CSMD1: variants seen among roughly 807,000 people sequenced by gnomAD.
CSMD1 encodes the protein CUB and Sushi multiple domains 1.
A neutral mutation model predicts 417.5 loss-of-function variants in CSMD1; 213 were observed. The ratio of observed to expected loss-of-function variants is 0.51; its 90% CI spans 0.46 to 0.57. The LOEUF (loss-of-function observed/expected upper bound fraction) is 0.57, where lower values mean the gene tolerates loss of function less well. CSMD1 is among the 20% of genes least tolerant of loss of function. The pLI, the probability that CSMD1 is intolerant of heterozygous loss-of-function variation, is 0.00. For missense variants in CSMD1, 6,923 were observed against 4,529.7 expected, an observed-to-expected ratio of 1.53 and a Z score of -15.17; for synonymous variants, 2,862 against 1,736.8, an observed-to-expected ratio of 1.65 and a Z score of -16.11.
intron 25 of CSMD1, among the ~76,000 whole-genome samples, chr8:3,306,732 T>G (rs1359466984): frequency 2.6e-5 from 4 of 152,202 alleles, no homozygotes; most frequent in African/African-American, 9.7e-5. Context: ...CACTTCATTT[T>G]AAACAAGAAC....
At chr8:3,907,513 A>G (rs1808189057) in intron 5 of CSMD1, among the ~76,000 whole-genome samples, 1 of 152,194 alleles carries the variant, frequency 6.6e-6, no homozygotes, top group South Asian at 2.1e-4. Context: ...ATCATCTCAC[A>G]GAATTGTGCA....
In CSMD1 at chr8:4,043,050, T is replaced by C. The variant is rs116332522; in HGVS notation, c.416-10951A>G. ...GGGAGGTTGAAGCAGGAGAATCACT[T>C]GAACCTTGGAGGCACAGGGTGCAGT... On this transcript the variant is annotated intron_variant, in intron 3 of 69. Coordinates refer to ENST00000635120, the MANE Select transcript of CSMD1 (RefSeq NM_033225.6). 8.0e-3 allele frequency among the ~76,000 whole-genome samples: 1,213 copies of C among 152,056 alleles called. 19 individuals are homozygous for C. Among genetic ancestry groups the C allele is most frequent in the African/African-American group, 0.028 (1,160 of 41,462 alleles).
chr8:3,896,334 T>C (rs1220415027), intron 5 of CSMD1, among the ~76,000 whole-genome samples: 1 of 152,136 alleles, frequency 6.6e-6, no homozygotes, highest in Non-Finnish European at 1.5e-5. Flanking sequence ...TTCCATATAC[T>C]CACTTTGCTG....
intron 3 of CSMD1, among the ~76,000 whole-genome samples, chr8:4,096,891 C>G (rs1585306157): frequency 6.6e-6 from 1 of 152,162 alleles, no homozygotes; most frequent in Admixed American, 6.5e-5. Context: ...TTTTAAAGCT[C>G]TCAGTTGCCT....
At chr8:4,241,966 C>T (rs560962225) in intron 3 of CSMD1, among the ~76,000 whole-genome samples, 7 of 152,288 alleles carry the variant, frequency 4.6e-5, no homozygotes, top group South Asian at 4.1e-4. Context: ...AGTTTTCAAA[C>T]GGATTAACAT....
At chr8:4,812,325 C>A (rs1012165495) in intron 1 of CSMD1, among the ~76,000 whole-genome samples, 2 of 152,164 alleles carry the variant, frequency 1.3e-5, no homozygotes, top group African/African-American at 4.8e-5. Flanking sequence ...TGCTTCCAAT[C>A]AAAGACAGAT....
chr8:3,414,444 T>C (rs1006029888), intron 12 of CSMD1, among the ~76,000 whole-genome samples: 3 of 152,122 alleles, frequency 2.0e-5, no homozygotes, highest in African/African-American at 4.8e-5. Flanking sequence ...ACATGCCATG[T>C]TGTGCCTCAG....
chr8:3,021,463 T>C (rs1809381798), intron 51 of CSMD1, among the ~76,000 whole-genome samples: 1 of 152,232 alleles, frequency 6.6e-6, no homozygotes, highest in Non-Finnish European at 1.5e-5. Flanking sequence ...GGGAAAGCCT[T>C]ATTTTTATGT....
chr8:4,665,688 T>A (rs1244729820), intron 1 of CSMD1, among the ~76,000 whole-genome samples: 1 of 152,202 alleles, frequency 6.6e-6, no homozygotes, highest in Non-Finnish European at 1.5e-5. Flanking sequence ...GTTGCATGGA[T>A]CCATAATCTA....
At chr8:4,055,534 T>C (rs947182139) in intron 3 of CSMD1, among the ~76,000 whole-genome samples, 3 of 141,162 alleles carry the variant, frequency 2.1e-5, no homozygotes, top group Admixed American at 6.8e-5. Flanking sequence ...TTTAATAATG[T>C]CAAGAATTTT....
chr8:3,304,648 T>C (rs557463708), intron 25 of CSMD1, among the ~76,000 whole-genome samples: 15 of 152,290 alleles, frequency 9.8e-5, no homozygotes, highest in East Asian at 5.8e-4. Context: ...TATTGAAATA[T>C]ACGTATACGA....
intron 5 of CSMD1, among the ~76,000 whole-genome samples, chr8:3,910,961 T>G (rs1444895828): frequency 6.6e-6 from 1 of 152,230 alleles, no homozygotes; most frequent in East Asian, 1.9e-4. Flanking sequence ...AACGCTTTCT[T>G]GGGCATATTT....
chr8:4,322,872 C>A (rs576837152), intron 3 of CSMD1, among the ~76,000 whole-genome samples: 2 of 152,326 alleles, frequency 1.3e-5, no homozygotes, highest in African/African-American at 2.4e-5. Flanking sequence ...GTAGTCCCAG[C>A]TACTCAGGAG....
Position 3,949,688 on chromosome 8 carries a change from A to G in CSMD1, c.818+48215T>C, listed in dbSNP as rs1811479548. ...AGAGAAAGGAGGAGGAGAAGGAGGA[A>G]TATTATAAGGGCACATTTCCTGATT... On this transcript the variant is annotated intron_variant, in intron 5 of 69. Coordinates refer to ENST00000635120, the MANE Select transcript of CSMD1 (RefSeq NM_033225.6). 2.0e-5 allele frequency among the ~76,000 whole-genome samples: 3 copies of G among 152,148 alleles called. No homozygotes were observed. The South Asian group carries it at 6.2e-4, about 32-fold the overall frequency.
chr8:4,349,790 C>T (rs542247124), intron 3 of CSMD1, among the ~76,000 whole-genome samples: 1 of 150,424 alleles, frequency 6.6e-6, no homozygotes, highest in Non-Finnish European at 1.5e-5. Flanking sequence ...TTATTTGTCT[C>T]AATTGCTTAA....
chr8:3,340,365 A>T lies in CSMD1; in HGVS notation c.3631+2929T>A, dbSNP rs1210398791. The stretch of plus-strand genomic sequence containing the variant: ...GAAGGGATAAAGAAATATTGTTTGT[A>T]CCCATTTCTAAAAATGTTAGGGTTT... On this transcript the variant is annotated intron_variant, in intron 23 of 69. Transcript: ENST00000635120. Among the ~76,000 whole-genome samples the T allele has an allele frequency of 2.0e-5, 3 of 152,142 alleles. No individual in the cohort carries two copies. In the East Asian group the frequency reaches 5.8e-4, roughly 29 times the overall value.
intron 8 of CSMD1, among the ~76,000 whole-genome samples, chr8:3,598,987 A>G (rs972666069): frequency 3.3e-5 from 5 of 152,134 alleles, no homozygotes; most frequent in Non-Finnish European, 7.3e-5. Context: ...AGGCTGAGAG[A>G]GGAGAATTCC....
At chr8:3,996,589 G>A (rs17068462) in intron 5 of CSMD1, among the ~76,000 whole-genome samples, 1 of 152,046 alleles carries the variant, frequency 6.6e-6, no homozygotes, top group Non-Finnish European at 1.5e-5. Flanking sequence ...GTTAGACATA[G>A]CGAGATAGGT....
At chr8:4,636,825 T>G (rs761409064) in intron 2 of CSMD1, among the ~76,000 whole-genome samples, 5 of 152,168 alleles carry the variant, frequency 3.3e-5, no homozygotes, top group Non-Finnish European at 7.4e-5. Flanking sequence ...CAGCTGGACT[T>G]CTTGCATTGA....
Sources: gnomAD v4.1 joint callset for allele counts (sites outside exome capture counted in the v4.1 genomes callset) on GRCh38, gnomAD v4.1.1 for gene constraint, MANE v1.5 for transcripts, NCBI Gene and HGNC (gene_info 2026-07-23, HGNC 2026-07-21) for gene names.